The following KANK1 variants were observed in gnomAD, a reference collection of about 807,000 sequenced individuals.
KANK1 encodes the protein KN motif and ankyrin repeat domains 1.
A neutral mutation model predicts 106.2 loss-of-function variants in KANK1; 109 were observed. That is an observed-to-expected ratio of 1.03 (90% CI 0.88 to 1.20). The LOEUF (loss-of-function observed/expected upper bound fraction) is 1.20. Among genes scored for constraint, KANK1 ranks in the 50% most tolerant of loss-of-function variants. KANK1 has a pLI of 0.00. For synonymous variants in KANK1, 873 were observed against 652.2 expected, an observed-to-expected ratio of 1.34 and a Z score of -5.16; for missense variants, 2,399 against 1,710.7, an observed-to-expected ratio of 1.40 and a Z score of -7.10.
chr9:470,314 C>A (rs368485349), exon 1 of KANK1: 1 of 151,892 alleles, frequency 6.6e-6, no homozygotes, highest in Non-Finnish European at 1.5e-5. Context: ...TCGGGGCGTC[C>A]GAAGCGGGCG....
In KANK1 at chr9:710,630, C is replaced by A. The variant is rs2361113; in HGVS notation, c.38-174C>A. ...TGACCTGTCTCAAAAAAAAAAAAAA[C>A]AAAAAAAAACAAAAAAAACTTGCTT... On this transcript the variant is annotated intron_variant, in intron 2 of 11. Transcript: ENST00000382297. 0.55 allele frequency among the ~76,000 whole-genome samples: 31,657 copies of A among 57,140 alleles called. 6,979 individuals carry two copies. Among genetic ancestry groups the A allele is most frequent in the African/African-American group, 0.58 (6,488 of 11,206 alleles). The allele number at this position is 57,140 out of a possible 152,430, so 37.5% of individuals were successfully genotyped here.
chr9:640,945 C>T (rs886971460), intron 1 of KANK1, among the ~76,000 whole-genome samples: 1 of 152,116 alleles, frequency 6.6e-6, no homozygotes, highest in African/African-American at 2.4e-5. Context: ...ATCTGCCCGC[C>T]TCGGCCTCCC....
upstream of KANK1, among the ~76,000 whole-genome samples, chr9:503,139 G>A (rs10815129): frequency 6.8e-4 from 103 of 151,114 alleles, no homozygotes; most frequent in African/African-American, 2.3e-3. Context: ...GCGCCTGGCC[G>A]ACGAGCACTT....
chr9:691,729 C>G (rs1340554914), intron 2 of KANK1, among the ~76,000 whole-genome samples: 1 of 147,208 alleles, frequency 6.8e-6, no homozygotes, highest in East Asian at 2.0e-4. Context: ...TCCTCCCAGT[C>G]TCAGCTCCCG....
At chr9:610,476 A>G (rs778745848) in intron 1 of KANK1, among the ~76,000 whole-genome samples, 7 of 152,206 alleles carry the variant, frequency 4.6e-5, no homozygotes, top group Non-Finnish European at 1.0e-4. Flanking sequence ...GATTTAAGAA[A>G]TAGAATCCTG....
chr9:730,112 C>T lies in KANK1; in HGVS notation c.2760C>T (p.Ser920=). The part of the protein sequence containing the change: ...GGLQSGSPLS[S]QTSQPEQEVG... Reference sequence around the variant, plus strand: ...TTCAGTCAGGAAGTCCCTTAAGCTCCCAGACATCCCAGCCTGAGCAAGAAG... The same window carrying T: ...TTCAGTCAGGAAGTCCCTTAAGCTCTCAGACATCCCAGCCTGAGCAAGAAG... Residue 920 remains serine, a synonymous_variant, in exon 4 of 12, where the codon TCC becomes TCT. Coordinates refer to ENST00000382297, the MANE Select transcript of KANK1 (RefSeq NM_015158.5). 6.2e-7 allele frequency: 1 copy of T among 1,614,168 alleles called. No homozygotes were observed. Among genetic ancestry groups the T allele is most frequent in the Non-Finnish European group, 8.5e-7 (1 of 1,180,022 alleles).
At chr9:490,447 T>A (rs939106699) in intron 3 of KANK1, among the ~76,000 whole-genome samples, 2 of 152,196 alleles carry the variant, frequency 1.3e-5, no homozygotes, top group Admixed American at 1.3e-4. Flanking sequence ...AGGTTGAAGC[T>A]GCAGTGAGCC....
chr9:602,166 G>C (rs528173901), intron 1 of KANK1, among the ~76,000 whole-genome samples: 1 of 152,018 alleles, frequency 6.6e-6, no homozygotes, highest in Non-Finnish European at 1.5e-5. Flanking sequence ...ACATTGATAG[G>C]ATAGCATTAG....
chr9:664,767 G>A (rs1039469320), intron 1 of KANK1, among the ~76,000 whole-genome samples: 20 of 152,178 alleles, frequency 1.3e-4, no homozygotes, highest in East Asian at 3.9e-4. Flanking sequence ...TTCTATAGTG[G>A]CTGTACTAAT....
At chr9:552,072 A>T (rs2061318859) in intron 1 of KANK1, among the ~76,000 whole-genome samples, 1 of 151,978 alleles carries the variant, frequency 6.6e-6, no homozygotes, top group Admixed American at 6.6e-5. Context: ...AAATAAAGGG[A>T]GCATGTAACA....
At chr9:689,467 C>A (rs1354774317) in intron 2 of KANK1, among the ~76,000 whole-genome samples, 1 of 152,180 alleles carries the variant, frequency 6.6e-6, no homozygotes, top group Non-Finnish European at 1.5e-5. Context: ...CATGTTAAGT[C>A]TTCTGAGCGG....
chr9:623,604 CAAAAAA>C (rs398010190), intron 1 of KANK1, among the ~76,000 whole-genome samples: 4 of 117,890 alleles, frequency 3.4e-5, no homozygotes, highest in African/African-American at 1.5e-4. Flanking sequence ...GATTGTGTCT[CAAAAAA>C]AAAAAAGAAA....
At chr9:594,081 G>A (rs1457654398) in intron 1 of KANK1, among the ~76,000 whole-genome samples, 1 of 151,888 alleles carries the variant, frequency 6.6e-6, no homozygotes, top group Non-Finnish European at 1.5e-5. Context: ...AAGGTCTGCT[G>A]TAAGTGATGG....
intron 1 of KANK1, among the ~76,000 whole-genome samples, chr9:546,132 A>G (rs1028790670): frequency 2.6e-5 from 4 of 152,112 alleles, no homozygotes; most frequent in Non-Finnish European, 5.9e-5. Flanking sequence ...CGTGCATGGG[A>G]CTTCAGCTCT....
At chr9:518,947 A>T (rs1587450725) in intron 1 of KANK1, among the ~76,000 whole-genome samples, 1 of 151,254 alleles carries the variant, frequency 6.6e-6, no homozygotes, top group African/African-American at 2.5e-5. Flanking sequence ...CTGGAGTGCA[A>T]TGGCATGATC....
At chr9:691,172 C>T (rs1174190352) in intron 2 of KANK1, among the ~76,000 whole-genome samples, 3 of 152,300 alleles carry the variant, frequency 2.0e-5, no homozygotes, top group South Asian at 4.1e-4. Context: ...TGGTGGACCT[C>T]ACCTTCACAG....
chr9:548,396 T>C (rs12352511), intron 1 of KANK1, among the ~76,000 whole-genome samples: 11 of 152,186 alleles, frequency 7.2e-5, no homozygotes, highest in Non-Finnish European at 1.0e-4. Context: ...AGCTTTTTAT[T>C]GTTGTACGTG....
At chr9:704,992 C>CA (rs71314728) in intron 2 of KANK1, among the ~76,000 whole-genome samples, 563 of 52,958 alleles carry the variant, frequency 0.011, 8 homozygotes, top group Admixed American at 0.012. Flanking sequence ...GACCCTGTCT[C>CA]AAAAAAAAAA....
chr9:556,584 C>T (rs982649455), intron 1 of KANK1, among the ~76,000 whole-genome samples: 2 of 152,186 alleles, frequency 1.3e-5, no homozygotes, highest in Non-Finnish European at 2.9e-5. Context: ...TTTCTCATTA[C>T]TTCATTGATC....
Sources: allele counts gnomAD v4.1 joint callset (sites outside exome capture counted in the v4.1 genomes callset), GRCh38; gene constraint gnomAD v4.1.1; transcripts MANE v1.5; gene names NCBI Gene and HGNC (gene_info 2026-07-23, HGNC 2026-07-21).